Variants in TOGARAM1 observed in about 807,000 individuals in gnomAD.
TOGARAM1 encodes the protein TOG array regulator of axonemal microtubules 1.
A neutral mutation model predicts 166.6 loss-of-function variants in TOGARAM1; 100 were observed. The observed-to-expected ratio is 0.60, with a 90% CI of 0.51 to 0.71. The LOEUF is 0.71. Among genes scored for constraint, TOGARAM1 ranks in the 30% least tolerant of loss-of-function variants. The pLI is 0.00. For missense variants in TOGARAM1, 2,029 were observed against 2,102.7 expected (o/e 0.96, Z 0.69); for synonymous variants, 758 against 763.8 (o/e 0.99, Z 0.13).
chr14:45,018,753 C>T (rs756725784), intron 7 of TOGARAM1, among the ~76,000 whole-genome samples: 20 of 152,078 alleles, frequency 1.3e-4, no homozygotes, highest in Non-Finnish European at 2.2e-4. Flanking sequence ...AAAGAGAATA[C>T]GATTTTTCCA....
At chr14:45,060,187 G>C (rs1882841068) in intron 16 of TOGARAM1, among the ~76,000 whole-genome samples, 1 of 149,802 alleles carries the variant, frequency 6.7e-6, no homozygotes, top group Non-Finnish European at 1.5e-5. Flanking sequence ...CAAAGTGCTG[G>C]GATTACAGGC....
In TOGARAM1 at chr14:45,036,581, G is replaced by A. The variant is rs528105172; in HGVS notation, c.3812+4205G>A. 6.6e-5 allele frequency among the ~76,000 whole-genome samples: 10 copies of A among 152,306 alleles called. No homozygotes were observed. The East Asian group carries it at 1.7e-3, about 26-fold the overall frequency. ...GAGAGTATTTATTTTATATTGTTAT[G>A]TAACAAATTGCCACAAACTCAGTGG... On this transcript the variant is annotated intron_variant, in intron 11 of 19. Transcript: ENST00000361462.
chr14:44,962,669 C>T lies in TOGARAM1; in HGVS notation c.248C>T (p.Ser83Phe), dbSNP rs1399554846. Residue 83 changes from serine to phenylalanine, a missense_variant, in exon 1 of 20, where the codon TCT becomes TTT. Physicochemically the swap from Ser to Phe is radical, Grantham distance 155 (BLOSUM62 -2). Transcript: ENST00000361462. Reference sequence around the variant, plus strand: ...TCGGAGGCAGTCTCAAGCAGCTGGTCTGAGTCTGGAGGCGGTTTGTCAGGG... The same window carrying T: ...TCGGAGGCAGTCTCAAGCAGCTGGTTTGAGTCTGGAGGCGGTTTGTCAGGG... Reference protein sequence around the residue: ...MPSEAVSSSWSESGGGLSGGD... With the variant: ...MPSEAVSSSWFESGGGLSGGD... The T allele has an allele frequency of 1.9e-5, 30 of 1,614,212 alleles. No individual in the cohort carries two copies. Among genetic ancestry groups the T allele is most frequent in the Non-Finnish European group, 2.5e-5 (30 of 1,180,034 alleles).
Position 45,071,304 on chromosome 14 carries a change from T to A in TOGARAM1, c.4970-408T>A, listed in dbSNP as rs1277692058. 1.0e-4 allele frequency among the ~76,000 whole-genome samples: 12 copies of A among 120,482 alleles called. No homozygotes were observed. In the South Asian group the frequency reaches 1.7e-3, roughly 17 times the overall value. 79.0% of individuals were successfully genotyped at this position (120,482 alleles called of 152,430 possible). On this transcript the variant is annotated intron_variant, in intron 18 of 19. Transcript: ENST00000361462. The stretch of plus-strand genomic sequence containing the variant: ...CAGGCAGTTTTTTTTTTTTTTTTTT[T>A]AAATACCACATGATAGCTCCTTTAA...
intron 14 of TOGARAM1, among the ~76,000 whole-genome samples, chr14:45,050,989 G>A (rs892279537): frequency 3.3e-5 from 5 of 152,014 alleles, no homozygotes; most frequent in African/African-American, 9.7e-5. Flanking sequence ...TTTAGGGCCC[G>A]GCCTCATTGA....
intron 3 of TOGARAM1, 48 bp downstream of exon 3, chr14:44,999,545 G>C: frequency 1.3e-6 from 2 of 1,486,022 alleles, no homozygotes. Flanking sequence ...TAAATATTAT[G>C]TGGGGATTCC....
rs112362180 is a variant in TOGARAM1, at chr14:45,069,283, C to T, written c.4969+640C>T. 8.6e-3 allele frequency among the ~76,000 whole-genome samples: 1,305 copies of T among 151,996 alleles called. 22 individuals are homozygous for T. Among genetic ancestry groups the T allele is most frequent in the African/African-American group, 0.028 (1,174 of 41,460 alleles). ...ACCCTGGAAGCTGAGGCAGGAGAAT[C>T]GCTTGAACCCAGGAGGTGGAGGTTG... On this transcript the variant is annotated intron_variant, in intron 18 of 19. Coordinates refer to ENST00000361462, the MANE Select transcript of TOGARAM1 (RefSeq NM_001308120.2).
Position 44,962,521 on chromosome 14 carries a change from G to T in TOGARAM1, c.100G>T (p.Asp34Tyr). The T allele has an allele frequency of 6.2e-7, 1 of 1,613,428 alleles. No individual in the cohort carries two copies. The highest frequency in any genetic ancestry group is 8.5e-7 in the Non-Finnish European group (1 of 1,179,880). The stretch of plus-strand genomic sequence containing the variant: ...CAGTCGTCCTTCCGCCCCAGAGACC[G>T]ATGATAGTCGAGTTGGGGGCATTAT... Reference protein sequence around the residue: ...SRSRPSAPETDDSRVGGIMRG... With the variant: ...SRSRPSAPETYDSRVGGIMRG... The change falls in exon 1 of 20, where the codon GAT (aspartate) becomes TAT (tyrosine). Residue 34 changes from aspartate to tyrosine, a missense_variant. By Grantham distance (160) the Asp-to-Tyr change is radical (BLOSUM62 -3). This residue lies in a region of TOGARAM1 where 1,453 missense variants were observed against 1,432.2 expected (regional missense o/e 1.01). Transcript: ENST00000361462.
At chr14:44,978,939 G>A (rs1309508029) in intron 1 of TOGARAM1, among the ~76,000 whole-genome samples, 2 of 151,048 alleles carry the variant, frequency 1.3e-5, no homozygotes, top group Admixed American at 6.6e-5. Context: ...TTCAAGGCCA[G>A]ACTAGTCAAC....
At chr14:44,979,507 G>T (rs962818772) in intron 1 of TOGARAM1, among the ~76,000 whole-genome samples, 1 of 152,116 alleles carries the variant, frequency 6.6e-6, no homozygotes, top group African/African-American at 2.4e-5. Flanking sequence ...CTACCATCAC[G>T]TTGGGGATTA....
chr14:45,011,931 C>A, intron 6 of TOGARAM1, 44 bp from the exon 7 acceptor site: 1 of 1,349,256 alleles, frequency 7.4e-7, no homozygotes, highest in Non-Finnish European at 1.0e-6. Flanking sequence ...TATTGAACAG[C>A]ACTAAATCTT....
chr14:45,051,515 G>GACTTT (rs1415656126), intron 14 of TOGARAM1, among the ~76,000 whole-genome samples: 3 of 149,234 alleles, frequency 2.0e-5, no homozygotes, highest in Admixed American at 1.3e-4. Context: ...TGAAGACAGT[G>GACTTT]ACTTTAAAGG....
In TOGARAM1 at chr14:45,012,009, T is replaced by A; in HGVS notation, c.3172T>A (p.Cys1058Ser). ...DIFPTFGSKP[C>S]PTRLSSAKKK... ...ATTTCCAACATTTGGGTCAAAACCTTGTCCAACAAGACTTTCTTCTGCAAA... is the reference window on the plus strand; with the variant it reads ...ATTTCCAACATTTGGGTCAAAACCTAGTCCAACAAGACTTTCTTCTGCAAA... The change falls in exon 7 of 20, where the codon TGT (cysteine) becomes AGT (serine). Residue 1058 changes from cysteine (C) to serine (S), a missense_variant. Cys to Ser is a moderately radical substitution (Grantham distance 112). Around this residue, in one of 2 missense-constraint regions of TOGARAM1, gnomAD observed 1,453 missense variants for 1,432.2 expected, o/e 1.01. Coordinates refer to ENST00000361462, the MANE Select transcript of TOGARAM1 (RefSeq NM_001308120.2). 1 of 1,611,182 alleles carries A rather than the reference T, an allele frequency of 6.2e-7. No individual in the cohort carries two copies. Among genetic ancestry groups the A allele is most frequent in the Non-Finnish European group, 8.5e-7 (1 of 1,178,950 alleles).
At chr14:45,046,462 A>T in intron 13 of TOGARAM1, 83 bp from the exon 14 acceptor site, 1 of 1,202,772 alleles carries the variant, frequency 8.3e-7, no homozygotes, top group Non-Finnish European at 1.1e-6. Flanking sequence ...ATACAAACAA[A>T]CAAAAACAAC....
In TOGARAM1 at chr14:45,068,616, G is replaced by A; in HGVS notation, c.4942G>A (p.Val1648Ile). The A allele has an allele frequency of 6.2e-7, 1 of 1,610,152 alleles. No individual in the cohort carries two copies. Among genetic ancestry groups the A allele is most frequent in the South Asian group, 1.1e-5 (1 of 90,336 alleles). The change falls in exon 18 of 20, where the codon GTT (valine) becomes ATT (isoleucine). Residue 1648 changes from valine to isoleucine, a missense_variant. This residue lies in a region of TOGARAM1 where 576 missense variants were observed against 670.5 expected (regional missense o/e 0.86). Transcript: ENST00000361462. ...AGGCATCTATGCGGCTGCTACAAAT[G>A]TTGTTCAGGCACTGAGTCAGCATGT... Reference protein sequence around the residue: ...NPGIYAAATNVVQALSQHVDN... With the variant: ...NPGIYAAATNIVQALSQHVDN...
In TOGARAM1 at chr14:44,964,402, T is replaced by C. The variant is rs1885400025; in HGVS notation, c.1981T>C (p.Trp661Arg). Residue 661 changes from tryptophan (W) to arginine (R), a missense_variant, in exon 1 of 20, where the codon TGG (tryptophan) becomes CGG (arginine). By Grantham distance (101) the Trp-to-Arg change is moderately radical. Coordinates refer to ENST00000361462, the MANE Select transcript of TOGARAM1 (RefSeq NM_001308120.2). ...SAGKGKNKLP[W>R]ENEQPGIMGE... Reference sequence around the variant, plus strand: ...AGGAAAAGGAAAAAATAAATTACCATGGGAAAATGAGCAACCTGGAATCAT... The same window carrying C: ...AGGAAAAGGAAAAAATAAATTACCACGGGAAAATGAGCAACCTGGAATCAT... 2.5e-6 allele frequency: 4 copies of C among 1,612,348 alleles called. No individual in the cohort carries two copies. The South Asian group carries it at 4.4e-5, about 18-fold the overall frequency.
chr14:44,963,713 A>G lies in TOGARAM1; in HGVS notation c.1292A>G (p.Gln431Arg). The change falls in exon 1 of 20, where the codon CAG becomes CGG. Residue 431 changes from glutamine to arginine, a missense_variant. Physicochemically the swap from Gln to Arg is conservative, Grantham distance 43. Coordinates refer to ENST00000361462, the MANE Select transcript of TOGARAM1 (RefSeq NM_001308120.2). ...ATTCGCCTTGGAGAGCAGGTACAGC[A>G]GTTCTTGGGACCAGTTATAGCAGCT... The part of the protein sequence containing the change: ...LVIRLGEQVQ[Q>R]FLGPVIAASV... 3 of 1,614,034 alleles carry G rather than the reference A, an allele frequency of 1.9e-6. No individual in the cohort carries two copies. Among genetic ancestry groups the G allele is most frequent in the Non-Finnish European group, 1.7e-6 (2 of 1,180,026 alleles).
rs1201234054 is a variant in TOGARAM1, at chr14:44,964,214, G to C, written c.1793G>C (p.Gly598Ala). 1 of 1,614,054 alleles carries C rather than the reference G, an allele frequency of 6.2e-7. No individual in the cohort carries two copies. Among genetic ancestry groups the C allele is most frequent in the African/African-American group, 1.3e-5 (1 of 74,920 alleles). Residue 598 changes from glycine to alanine, a missense_variant, in exon 1 of 20, where the codon GGG (glycine) becomes GCG (alanine). Gly to Ala is a moderately conservative substitution (Grantham distance 60). Around this residue, in one of 2 missense-constraint regions of TOGARAM1, gnomAD observed 1,453 missense variants for 1,432.2 expected, o/e 1.01. Transcript: ENST00000361462. ...GCAGTACTGATGCCATCTTCTGCCG[G>C]GGGTAGGTCAAACCATTTGGCACAT... ...EYAVLMPSSA[G>A]GRSNHLAHGA...
intron 16 of TOGARAM1, 39 bp from the exon 17 acceptor site, chr14:45,066,539 A>C: frequency 6.7e-7 from 1 of 1,484,582 alleles, no homozygotes; most frequent in Non-Finnish European, 9.1e-7. Context: ...TTTATAGGAA[A>C]GTACAAATGA....
Sources: gnomAD v4.1 joint callset for allele counts (sites outside exome capture counted in the v4.1 genomes callset) on GRCh38, gnomAD v4.1.1 for gene constraint, gnomAD v4.1.1 regional missense constraint, MANE v1.5 for transcripts, NCBI Gene and HGNC (gene_info 2026-07-23, HGNC 2026-07-21) for gene names.